The following REV1 variants were observed in gnomAD, a reference collection of about 807,000 sequenced individuals.
The protein encoded by REV1 is translesion synthesis protein REV1.
Under a neutral mutation model 137.4 loss-of-function variants are expected in REV1, and 42 were observed. The ratio of observed to expected loss-of-function variants is 0.31; its 90% confidence interval spans 0.24 to 0.40. The LOEUF is 0.40. REV1 is among the 10% of genes least tolerant of loss of function. The pLI is 1.00. For missense variants in REV1, 1,282 were observed against 1,490.1 expected (o/e 0.86, Z 2.30); for synonymous variants, 524 against 519.2 (o/e 1.01, Z -0.12).
chr2:99,427,380 T>C (rs1255754483), intron 9 of REV1, among the ~76,000 whole-genome samples: 1 of 152,150 alleles, frequency 6.6e-6, no homozygotes, highest in African/African-American at 2.4e-5. Flanking sequence ...TTCTCACTGA[T>C]TCCATATAAA....
At chr2:99,484,230 G>C (rs1686915045) in intron 1 of REV1, among the ~76,000 whole-genome samples, 4 of 152,214 alleles carry the variant, frequency 2.6e-5, no homozygotes, top group Admixed American at 2.0e-4. Context: ...CTTAAGCGTG[G>C]AGGGTGGGAG....
At chr2:99,454,133 T>C (rs1284662118) in intron 3 of REV1, among the ~76,000 whole-genome samples, 1 of 152,010 alleles carries the variant, frequency 6.6e-6, no homozygotes, top group East Asian at 1.9e-4. Context: ...TTCATGCTTG[T>C]AATTTGAAAG....
intron 14 of REV1, chr2:99,408,409 G>T: frequency 4.1e-6 from 1 of 241,910 alleles, no homozygotes. Context: ...GAGAAATTTA[G>T]AAAAAGGTAG....
At chr2:99,412,406 T>C (rs1422715397) in intron 13 of REV1, among the ~76,000 whole-genome samples, 1 of 152,126 alleles carries the variant, frequency 6.6e-6, no homozygotes, top group Non-Finnish European at 1.5e-5. Flanking sequence ...TTAAAAAATA[T>C]TTCAACATTA....
intron 14 of REV1, among the ~76,000 whole-genome samples, chr2:99,408,901 G>T (rs1676712438): frequency 6.6e-6 from 1 of 152,134 alleles, no homozygotes; most frequent in Non-Finnish European, 1.5e-5. Context: ...CATTAAACAA[G>T]AAATATTCCC....
chr2:99,417,724 C>G (rs1026547631), intron 12 of REV1, among the ~76,000 whole-genome samples: 3 of 152,186 alleles, frequency 2.0e-5, no homozygotes, highest in South Asian at 2.1e-4. Context: ...GCACCCCAGT[C>G]TGTGGTACTT....
rs1042062407 is a variant in REV1, at chr2:99,465,119, A to G, written c.-10-134T>C. The G allele has an allele frequency of 7.1e-5, 53 of 751,230 alleles. 1 individual carries two copies. The highest frequency in any genetic ancestry group is 1.1e-4 in the Non-Finnish European group (49 of 464,900). 46.5% of individuals were successfully genotyped at this position (751,230 alleles called of 1,614,324 possible). ...TGATGAAAGTATACAATATTAAGTA[A>G]ACTTTTTCTGAAGTTCTCCATTCTC... On this transcript the variant is annotated intron_variant, in intron 1 of 22. Coordinates refer to ENST00000258428, the MANE Select transcript of REV1 (RefSeq NM_016316.4).
chr2:99,402,162 G>GAAAGTTTA (rs1675556523), intron 22 of REV1, 82 bp downstream of exon 22: 1 of 637,566 alleles, frequency 1.6e-6, no homozygotes, highest in East Asian at 2.8e-5. Context: ...CAGTTTCCCA[G>GAAAGTTTA]AAAGTTTAAA....
chr2:99,464,806 G>A, intron 2 of REV1, 116 bp downstream of exon 2: 1 of 937,406 alleles, frequency 1.1e-6, no homozygotes, highest in Non-Finnish European at 1.7e-6. Flanking sequence ...AAAACTCAAA[G>A]ATGTGGTGTC....
At chr2:99,453,030 A>G (rs1683097812) in intron 3 of REV1, among the ~76,000 whole-genome samples, 2 of 152,196 alleles carry the variant, frequency 1.3e-5, no homozygotes, top group Non-Finnish European at 2.9e-5. Flanking sequence ...TAAGAGCTAA[A>G]AATTATAAAT....
intron 1 of REV1, among the ~76,000 whole-genome samples, chr2:99,474,209 C>T (rs1374034269): frequency 6.6e-6 from 1 of 152,036 alleles, no homozygotes; most frequent in Admixed American, 6.5e-5. Flanking sequence ...TTTCCAAGAC[C>T]CCTTTACATC....
intron 1 of REV1, among the ~76,000 whole-genome samples, chr2:99,467,259 A>G (rs1277257438): frequency 2.0e-5 from 3 of 152,118 alleles, no homozygotes; most frequent in Non-Finnish European, 2.9e-5. Context: ...CAAAAACAAA[A>G]ATTAAAAAAA....
At chr2:99,401,969 A>T (rs531353029) in intron 22 of REV1, among the ~76,000 whole-genome samples, 1 of 152,242 alleles carries the variant, frequency 6.6e-6, no homozygotes, top group South Asian at 2.1e-4. Flanking sequence ...GCTGGTCTCA[A>T]ACGATCCACC....
chr2:99,486,873 A>C (rs2104328489), intron 1 of REV1, among the ~76,000 whole-genome samples: 1 of 152,166 alleles, frequency 6.6e-6, no homozygotes, highest in South Asian at 2.1e-4. Flanking sequence ...TGTTGAGAAC[A>C]GGGCTGGCAG....
rs577678411 is a variant in REV1 at position 99,458,853 on chromosome 2, G to C, written c.181+3643C>G. Among the ~76,000 whole-genome samples, 3 of 152,282 alleles carry C rather than the reference G, an allele frequency of 2.0e-5. No individual in the cohort carries two copies. In the South Asian group the frequency reaches 6.2e-4, roughly 32 times the overall value. ...TGGAGACCAGATTAGTGGTTGCCAG[G>C]AGTTAAGGAAAGGCGGAGAACAGAA... On this transcript the variant is annotated intron_variant, in intron 3 of 22. Coordinates refer to ENST00000258428, the MANE Select transcript of REV1 (RefSeq NM_016316.4).
At chr2:99,458,604 C>T (rs1683795880) in intron 3 of REV1, among the ~76,000 whole-genome samples, 1 of 152,160 alleles carries the variant, frequency 6.6e-6, no homozygotes, top group Non-Finnish European at 1.5e-5. Flanking sequence ...AAAACTCATA[C>T]ACAAATGTTC....
intron 9 of REV1, among the ~76,000 whole-genome samples, chr2:99,426,667 G>C (rs1679415714): frequency 6.6e-6 from 1 of 152,148 alleles, no homozygotes; most frequent in Non-Finnish European, 1.5e-5. Context: ...GAAAATAAAT[G>C]AGTAAAGACA....
chr2:99,441,215 T>C (rs1469400111), intron 5 of REV1, among the ~76,000 whole-genome samples: 1 of 152,144 alleles, frequency 6.6e-6, no homozygotes, highest in African/African-American at 2.4e-5. Flanking sequence ...ATGAAAAATA[T>C]TTGAATATGC....
In REV1 at chr2:99,413,137, T is replaced by C. The variant is rs184041416; in HGVS notation, c.1952-186A>G. 2.3e-3 allele frequency among the ~76,000 whole-genome samples: 350 copies of C among 152,352 alleles called. 4 individuals are homozygous for C. Among genetic ancestry groups the C allele is most frequent in the African/African-American group, 8.2e-3 (341 of 41,580 alleles). On this transcript the variant is annotated intron_variant, in intron 12 of 22. Coordinates refer to ENST00000258428, the MANE Select transcript of REV1 (RefSeq NM_016316.4). Reference sequence around the variant, plus strand: ...GTGCAAAATCATGCTAGTAGATGTATTTCTAGACTCTACTTCTCAATTTGG... The same window carrying C: ...GTGCAAAATCATGCTAGTAGATGTACTTCTAGACTCTACTTCTCAATTTGG...
Sources: gnomAD v4.1 joint callset for allele counts (sites outside exome capture counted in the v4.1 genomes callset) on GRCh38, gnomAD v4.1.1 for gene constraint, MANE v1.5 for transcripts, NCBI Gene and HGNC (gene_info 2026-07-23, HGNC 2026-07-21) for gene names.